MAD1L1: variants seen among roughly 807,000 people sequenced by gnomAD.
The protein encoded by MAD1L1 is mitotic arrest deficient 1 like 1.
Under a neutral mutation model 96.9 loss-of-function variants are expected in MAD1L1, and 95 were observed. The observed-to-expected ratio is 0.98, with a 90% CI of 0.83 to 1.16. MAD1L1 has a LOEUF of 1.16. MAD1L1 is among the 50% of genes most tolerant of loss of function. MAD1L1 has a pLI of 0.00. For synonymous variants in MAD1L1, 473 were observed against 396.6 expected (o/e 1.19, Z -2.29); for missense variants, 1,007 against 954.4 (o/e 1.06, Z -0.73).
At chr7:1,879,831 C>T (rs1172354930) in intron 18 of MAD1L1, among the ~76,000 whole-genome samples, 2 of 152,092 alleles carry the variant, frequency 1.3e-5, no homozygotes, top group African/African-American at 2.4e-5. Flanking sequence ...CCCGGGTTCA[C>T]GCCATTCTCC....
At chr7:1,840,157 A>G (rs1487576574) in intron 18 of MAD1L1, among the ~76,000 whole-genome samples, 1 of 152,006 alleles carries the variant, frequency 6.6e-6, no homozygotes, top group Non-Finnish European at 1.5e-5. Flanking sequence ...TCTTTCCCCA[A>G]CTTTGGCCTG....
At chr7:1,869,846 G>C (rs764547179) in intron 18 of MAD1L1, among the ~76,000 whole-genome samples, 4 of 152,160 alleles carry the variant, frequency 2.6e-5, no homozygotes, top group Non-Finnish European at 5.9e-5. Context: ...TGCCTCCATG[G>C]GGCAGGCAGG....
chr7:2,017,029 C>CT (rs1335069372), intron 12 of MAD1L1, among the ~76,000 whole-genome samples: 4 of 152,268 alleles, frequency 2.6e-5, no homozygotes, highest in Admixed American at 6.5e-5. Flanking sequence ...GAGAGCTTCT[C>CT]TTCGTGACGG....
chr7:1,863,035 G>A (rs983803874), intron 18 of MAD1L1, among the ~76,000 whole-genome samples: 43 of 152,234 alleles, frequency 2.8e-4, no homozygotes, highest in African/African-American at 3.6e-4. Context: ...CTGATTGTGG[G>A]GCCGTCTTGC....
chr7:2,031,167 GA>G (rs1783208862), intron 12 of MAD1L1, among the ~76,000 whole-genome samples: 2 of 152,200 alleles, frequency 1.3e-5, no homozygotes, highest in Admixed American at 6.5e-5. Context: ...AGGCCGCTCA[GA>G]GAGGAAGCAC....
chr7:1,818,638 T>G (rs1443132217), intron 18 of MAD1L1, among the ~76,000 whole-genome samples: 3 of 151,918 alleles, frequency 2.0e-5, no homozygotes, highest in Non-Finnish European at 4.4e-5. Flanking sequence ...ACTCCTGGCC[T>G]GACGTGATCC....
chr7:2,112,629 G>A (rs1392735701), intron 11 of MAD1L1, among the ~76,000 whole-genome samples: 1 of 152,246 alleles, frequency 6.6e-6, no homozygotes, highest in Non-Finnish European at 1.5e-5. Flanking sequence ...CAAGGAGACA[G>A]CACAGGAGGC....
chr7:1,942,428 T>C (rs1305034840), intron 16 of MAD1L1, among the ~76,000 whole-genome samples: 4 of 152,182 alleles, frequency 2.6e-5, no homozygotes, highest in Non-Finnish European at 4.4e-5. Flanking sequence ...CACCATTCCA[T>C]GCCTCGGAGC....
chr7:1,975,163 C>A (rs1000529060), intron 15 of MAD1L1, among the ~76,000 whole-genome samples: 2 of 152,226 alleles, frequency 1.3e-5, no homozygotes, highest in African/African-American at 4.8e-5. Context: ...TCAGCCTGCT[C>A]CTGAAGCTGC....
chr7:2,093,244 CAAAAAAA>C (rs10654575), intron 11 of MAD1L1, among the ~76,000 whole-genome samples: 3 of 101,048 alleles, frequency 3.0e-5, no homozygotes, highest in African/African-American at 8.2e-5. Flanking sequence ...GACTCCGTGT[CAAAAAAA>C]AAAAAAAAAA....
At chr7:2,128,699 G>A (rs530343924) in intron 11 of MAD1L1, among the ~76,000 whole-genome samples, 2 of 152,310 alleles carry the variant, frequency 1.3e-5, no homozygotes, top group East Asian at 3.9e-4. Context: ...TCCTGGCGGG[G>A]ACACAGAGGG....
At chr7:1,885,347 A>G (rs1263230875) in intron 18 of MAD1L1, among the ~76,000 whole-genome samples, 1 of 152,042 alleles carries the variant, frequency 6.6e-6, no homozygotes, top group Non-Finnish European at 1.5e-5. Context: ...TATCCCCAAA[A>G]ACCCTGTGTC....
intron 11 of MAD1L1, among the ~76,000 whole-genome samples, chr7:2,073,817 A>C (rs1785249696): frequency 1.3e-5 from 2 of 152,322 alleles, no homozygotes; most frequent in Non-Finnish European, 2.9e-5. Context: ...TCATGAACGG[A>C]GATGGGAGAA....
At chr7:2,190,141 A>G (rs1791649808) in intron 10 of MAD1L1, among the ~76,000 whole-genome samples, 1 of 152,214 alleles carries the variant, frequency 6.6e-6, no homozygotes, top group African/African-American at 2.4e-5. Flanking sequence ...AGGGCTTACT[A>G]TGTTCTTTCA....
chr7:2,036,494 C>G (rs1783442371), intron 12 of MAD1L1, among the ~76,000 whole-genome samples: 2 of 152,212 alleles, frequency 1.3e-5, no homozygotes, highest in South Asian at 4.1e-4. Context: ...CTGAGGAGGA[C>G]AATCCATCCG....
chr7:2,009,638 C>T (rs917528120), intron 13 of MAD1L1, among the ~76,000 whole-genome samples: 3 of 152,190 alleles, frequency 2.0e-5, no homozygotes, highest in Admixed American at 6.5e-5. Context: ...GTGAGCCCAG[C>T]GCTGGCCACA....
chr7:1,863,537 G>A (rs1426082964), intron 18 of MAD1L1, among the ~76,000 whole-genome samples: 1 of 152,232 alleles, frequency 6.6e-6, no homozygotes, highest in Non-Finnish European at 1.5e-5. Flanking sequence ...AGCCAGTACT[G>A]AGGCTGACCC....
chr7:1,985,462 C>T (rs1781096848), intron 14 of MAD1L1, among the ~76,000 whole-genome samples: 1 of 28,908 alleles, frequency 3.5e-5, no homozygotes, highest in Admixed American at 2.0e-4. Context: ...CTCACAGTCA[C>T]TCTCTCGGGA....
At chr7:1,953,637 G>A (rs545335318) in intron 16 of MAD1L1, among the ~76,000 whole-genome samples, 9 of 152,402 alleles carry the variant, frequency 5.9e-5, no homozygotes, top group African/African-American at 9.6e-5. Flanking sequence ...GTGGCGCGGC[G>A]GCTGGGCGAG....
Sources: allele counts gnomAD v4.1 joint callset (sites outside exome capture counted in the v4.1 genomes callset), GRCh38; gene constraint gnomAD v4.1.1; transcripts MANE v1.5; gene names NCBI Gene and HGNC (gene_info 2026-07-23, HGNC 2026-07-21).